Variants in TMEM108 observed in about 807,000 individuals in gnomAD.
The protein encoded by TMEM108 is cancer/testis antigen 124.
In TMEM108, 12 loss-of-function variants were observed where a neutral mutation model predicts 35.1. The observed-to-expected ratio is 0.34, with a 90% CI of 0.22 to 0.55. TMEM108 has a LOEUF of 0.55. TMEM108 is among the 20% of genes least tolerant of loss of function. The probability of loss-of-function intolerance (pLI) is 0.89; values close to 1 mark genes in which losing one functional copy is unlikely to be tolerated. For synonymous variants in TMEM108, 287 were observed against 308.6 expected (o/e 0.93, Z 0.73); for missense variants, 680 against 753.3 (o/e 0.90, Z 1.14).
At chr3:133,147,933 T>C (rs775344512) in intron 2 of TMEM108, among the ~76,000 whole-genome samples, 4 of 152,078 alleles carry the variant, frequency 2.6e-5, no homozygotes, top group Non-Finnish European at 4.4e-5. Context: ...GAAATCTTTG[T>C]CTGATTAAAA....
intron 3 of TMEM108, among the ~76,000 whole-genome samples, chr3:133,335,623 T>C (rs2071479251): frequency 6.6e-6 from 1 of 152,186 alleles, no homozygotes; most frequent in Non-Finnish European, 1.5e-5. Context: ...AAAGAAAATG[T>C]GGTATATAGA....
intron 2 of TMEM108, among the ~76,000 whole-genome samples, chr3:133,075,860 T>C (rs575100824): frequency 6.6e-6 from 1 of 152,202 alleles, no homozygotes; most frequent in East Asian, 1.9e-4. Context: ...AAGTAGTAGA[T>C]AATTTGAAGG....
At chr3:133,077,448 C>G (rs544107768) in intron 2 of TMEM108, among the ~76,000 whole-genome samples, 59 of 152,224 alleles carry the variant, frequency 3.9e-4, no homozygotes, top group African/African-American at 1.4e-3. Context: ...TGGGTGTCTG[C>G]AGAGCACCCT....
intron 2 of TMEM108, among the ~76,000 whole-genome samples, chr3:133,216,791 A>G (rs889178084): frequency 6.6e-6 from 1 of 152,106 alleles, no homozygotes; most frequent in Non-Finnish European, 1.5e-5. Context: ...ATGGTATTCC[A>G]TTGTGTGTAT....
intron 3 of TMEM108, among the ~76,000 whole-genome samples, chr3:133,366,573 G>C (rs747339468): frequency 4.1e-4 from 63 of 152,120 alleles, no homozygotes; most frequent in Non-Finnish European, 7.1e-4. Context: ...TTCTCTCCTT[G>C]TTCTTTGTAT....
intron 3 of TMEM108, chr3:133,247,119 A>G (rs1946397982): frequency 6.6e-6 from 1 of 152,206 alleles, no homozygotes; most frequent in Admixed American, 6.5e-5. Flanking sequence ...TAAAACCTTC[A>G]ATCACAATAA....
intron 4 of TMEM108, chr3:133,386,308 T>C: frequency 1.7e-6 from 2 of 1,206,834 alleles, no homozygotes; most frequent in African/African-American, 3.0e-5. Context: ...TCTTATTGTT[T>C]TTAAGATTTG....
chr3:133,284,362 A>G (rs1946955958), intron 3 of TMEM108, among the ~76,000 whole-genome samples: 1 of 152,140 alleles, frequency 6.6e-6, no homozygotes, highest in Admixed American at 6.5e-5. Flanking sequence ...GTCCTAAGTA[A>G]TTTATACATA....
chr3:133,248,620 CAGT>C (rs1946420576), intron 3 of TMEM108: 1 of 152,140 alleles, frequency 6.6e-6, no homozygotes, highest in African/African-American at 2.4e-5. Context: ...ATAAAACAAA[CAGT>C]AGCAGGATAG....
chr3:133,244,998 C>G (rs1004628133), intron 3 of TMEM108, among the ~76,000 whole-genome samples: 1 of 152,186 alleles, frequency 6.6e-6, no homozygotes, highest in Non-Finnish European at 1.5e-5. Flanking sequence ...AGGTAAGCAT[C>G]AGATAAGCAG....
At chr3:133,233,552 C>A (rs1341060185) in intron 3 of TMEM108, among the ~76,000 whole-genome samples, 1 of 152,080 alleles carries the variant, frequency 6.6e-6, no homozygotes, top group African/African-American at 2.4e-5. Context: ...TGGGTATATA[C>A]CCAGTAATGG....
chr3:133,125,401 G>C (rs1302152495), intron 2 of TMEM108, among the ~76,000 whole-genome samples: 2 of 152,186 alleles, frequency 1.3e-5, no homozygotes, highest in East Asian at 1.9e-4. Flanking sequence ...CTGAGGGTCT[G>C]AGTGGAAATA....
intron 2 of TMEM108, among the ~76,000 whole-genome samples, chr3:133,123,815 G>A (rs1253855020): frequency 2.6e-5 from 4 of 152,270 alleles, no homozygotes; most frequent in South Asian, 2.1e-4. Flanking sequence ...TTCTGTTGTC[G>A]GCCTAAATTG....
intron 3 of TMEM108, among the ~76,000 whole-genome samples, chr3:133,363,757 T>C (rs1236012420): frequency 1.3e-5 from 2 of 152,166 alleles, no homozygotes; most frequent in African/African-American, 2.4e-5. Flanking sequence ...AATAGAAATA[T>C]ACAAGCCACA....
chr3:133,295,924 A>G (rs1947138841), intron 3 of TMEM108, among the ~76,000 whole-genome samples: 1 of 152,206 alleles, frequency 6.6e-6, no homozygotes, highest in African/African-American at 2.4e-5. Flanking sequence ...TTGTTGCCAA[A>G]AAACGGTAAC....
In TMEM108 at chr3:133,379,789, A is replaced by G. The variant is rs763999238; in HGVS notation, c.78A>G (p.Ala26=). The G allele has an allele frequency of 6.2e-7, 1 of 1,613,824 alleles. No individual in the cohort carries two copies. Among genetic ancestry groups the G allele is most frequent in the Non-Finnish European group, 8.5e-7 (1 of 1,179,882 alleles). ...LLILALTEAL[A]FAIQEPSPRE... ...TCTTGGCACTGACCGAAGCGCTGGC[A>G]TTTGCCATCCAGGAACCATCTCCCA... Residue 26 remains alanine, a synonymous_variant, in exon 4 of 6, where the codon GCA becomes GCG. Coordinates refer to ENST00000321871, the MANE Select transcript of TMEM108 (RefSeq NM_023943.4).
chr3:133,073,510 C>CTCTCTA lies in TMEM108; in HGVS notation c.-47+27491_-47+27492insCTCTAT. 3.7e-3 allele frequency among the ~76,000 whole-genome samples: 161 copies of CTCTCTA among 43,906 alleles called. 2 individuals carry two copies. The highest frequency in any genetic ancestry group is 0.016 in the African/African-American group (134 of 8,430). The allele number at this position is 43,906 out of a possible 152,430, so 28.8% of individuals were successfully genotyped here. On this transcript the variant is annotated intron_variant, in intron 2 of 5. Coordinates refer to ENST00000321871, the MANE Select transcript of TMEM108 (RefSeq NM_023943.4). ...TCTCTCTCTCTCTCTCTCTCTCTCT[C>CTCTCTA]TATATATATATATATATATATATAT... is the stretch of plus-strand genomic sequence containing the variant.
intron 2 of TMEM108, among the ~76,000 whole-genome samples, chr3:133,211,129 G>C (rs1945828966): frequency 6.6e-6 from 1 of 152,074 alleles, no homozygotes; most frequent in African/African-American, 2.4e-5. Flanking sequence ...ATTTATTAAT[G>C]ACTATAATAT....
chr3:133,304,314 A>G (rs1254406078), intron 3 of TMEM108, among the ~76,000 whole-genome samples: 1 of 152,180 alleles, frequency 6.6e-6, no homozygotes, highest in Non-Finnish European at 1.5e-5. Flanking sequence ...TGTTCCTTCT[A>G]AACTTGGCTA....
Sources: gnomAD v4.1 joint callset for allele counts (sites outside exome capture counted in the v4.1 genomes callset) on GRCh38, gnomAD v4.1.1 for gene constraint, MANE v1.5 for transcripts, NCBI Gene and HGNC (gene_info 2026-07-23, HGNC 2026-07-21) for gene names.